COL25A1: variants seen among roughly 807,000 people sequenced by gnomAD.
COL25A1 encodes collagen type XXV alpha 1 chain.
COL25A1 carries 103 observed loss-of-function variants against 128.4 expected under a neutral mutation model. That is an observed-to-expected ratio of 0.80 (90% CI 0.68 to 0.94). The LOEUF (loss-of-function observed/expected upper bound fraction) is 0.94. Ranked by LOEUF, COL25A1 falls within the 40% of genes least tolerant of loss-of-function variation. COL25A1 has a pLI of 0.00. For synonymous variants in COL25A1, 279 were observed against 277.2 expected (o/e 1.01, Z -0.06); for missense variants, 745 against 840.0 (o/e 0.89, Z 1.40).
At chr4:109,210,275 A>C (rs1042785255) in intron 3 of COL25A1, among the ~76,000 whole-genome samples, 24 of 151,352 alleles carry the variant, frequency 1.6e-4, no homozygotes, top group African/African-American at 5.7e-4. Context: ...GAATAACTGT[A>C]ATGTTTTATA....
intron 3 of COL25A1, among the ~76,000 whole-genome samples, chr4:109,291,195 A>C (rs568917838): frequency 1.3e-5 from 2 of 152,264 alleles, no homozygotes; most frequent in Non-Finnish European, 2.9e-5. Flanking sequence ...GACAGTGGGC[A>C]TTCATTTCAA....
intron 8 of COL25A1, among the ~76,000 whole-genome samples, chr4:108,971,168 A>G (rs900874702): frequency 6.6e-5 from 10 of 152,168 alleles, no homozygotes; most frequent in Non-Finnish European, 1.3e-4. Context: ...TGGTATATCT[A>G]TTTGAGGGAT....
intron 3 of COL25A1, among the ~76,000 whole-genome samples, chr4:109,234,133 A>C (rs1030069121): frequency 6.6e-6 from 1 of 152,170 alleles, no homozygotes; most frequent in African/African-American, 2.4e-5. Flanking sequence ...TATGTGAACA[A>C]ATTAATTTTT....
At chr4:109,000,684 TGCAGTGA>T (rs78365944) in intron 6 of COL25A1, among the ~76,000 whole-genome samples, 19,792 of 136,076 alleles carry the variant, frequency 0.15, 1,928 homozygotes, top group East Asian at 0.42. Flanking sequence ...AGGCAAAGGT[TGCAGTGA>T]GCCGATATTG....
intron 3 of COL25A1, among the ~76,000 whole-genome samples, chr4:109,135,799 A>C (rs1432406062): frequency 6.6e-6 from 1 of 152,238 alleles, no homozygotes; most frequent in African/African-American, 2.4e-5. Context: ...CCAAAGCCAC[A>C]GACTTCAGAC....
At chr4:109,028,747 G>A (rs1162598247) in intron 5 of COL25A1, among the ~76,000 whole-genome samples, 1 of 151,890 alleles carries the variant, frequency 6.6e-6, no homozygotes, top group African/African-American at 2.4e-5. Context: ...AAAAGAAAAA[G>A]AAAAGAAAAG....
intron 31 of COL25A1, among the ~76,000 whole-genome samples, chr4:108,835,422 T>TG (rs1733656702): frequency 6.7e-6 from 1 of 148,804 alleles, no homozygotes; most frequent in Non-Finnish European, 1.5e-5. Context: ...TAATACAGAA[T>TG]GGAAAAAAAA....
At chr4:108,952,319 A>C (rs1749529369) in intron 8 of COL25A1, among the ~76,000 whole-genome samples, 1 of 139,474 alleles carries the variant, frequency 7.2e-6, no homozygotes, top group African/African-American at 3.2e-5. Flanking sequence ...AATAAACACA[A>C]AAAAAAACTG....
At chr4:108,880,896 T>G (rs1465118723) in intron 19 of COL25A1, among the ~76,000 whole-genome samples, 1 of 152,230 alleles carries the variant, frequency 6.6e-6, no homozygotes, top group Non-Finnish European at 1.5e-5. Context: ...CTCTTTTATG[T>G]GATATCAGAA....
intron 3 of COL25A1, among the ~76,000 whole-genome samples, chr4:109,113,931 A>C (rs2126042572): frequency 6.6e-6 from 1 of 152,240 alleles, no homozygotes; most frequent in East Asian, 1.9e-4. Flanking sequence ...TGAAGATGAA[A>C]AAACAAATCT....
intron 17 of COL25A1, 142 bp from the exon 18 acceptor site, chr4:108,889,398 C>T: frequency 2.9e-6 from 2 of 685,002 alleles, no homozygotes; most frequent in East Asian, 2.7e-5. Context: ...TGTGACTCTA[C>T]ATCTCACTAG....
chr4:109,062,885 TTTGA>T (rs2125967946), intron 3 of COL25A1, among the ~76,000 whole-genome samples: 1 of 152,292 alleles, frequency 6.6e-6, no homozygotes, highest in South Asian at 2.1e-4. Context: ...CCTGATTGAA[TTTGA>T]TTGTTCTCTG....
chr4:109,154,224 A>G (rs922130600), intron 3 of COL25A1, among the ~76,000 whole-genome samples: 7 of 152,162 alleles, frequency 4.6e-5, no homozygotes, highest in African/African-American at 7.2e-5. Flanking sequence ...TAGGTTAAAT[A>G]TATTTTATAT....
intron 8 of COL25A1, among the ~76,000 whole-genome samples, chr4:108,949,896 A>G (rs970572663): frequency 2.0e-4 from 31 of 152,134 alleles, no homozygotes; most frequent in Non-Finnish European, 3.5e-4. Context: ...CATTTATTCA[A>G]TAAGAATTTG....
chr4:109,277,004 A>C (rs1289134792), intron 3 of COL25A1, among the ~76,000 whole-genome samples: 1 of 152,098 alleles, frequency 6.6e-6, no homozygotes, highest in Admixed American at 6.6e-5. Flanking sequence ...CTACAAGATA[A>C]ATTTTAGATG....
intron 32 of COL25A1, 143 bp from the exon 33 acceptor site, chr4:108,827,331 A>T: frequency 2.8e-6 from 2 of 715,764 alleles, no homozygotes; most frequent in East Asian, 2.7e-5. Flanking sequence ...AGTCACTGCC[A>T]GTGATATTTG....
chr4:109,227,459 A>T (rs552778644), intron 3 of COL25A1, among the ~76,000 whole-genome samples: 71 of 152,282 alleles, frequency 4.7e-4, no homozygotes, highest in African/African-American at 1.7e-3. Flanking sequence ...ACTTTTCTAT[A>T]ATCTTCTAAA....
chr4:108,937,712 G>T, intron 11 of COL25A1, 96 bp downstream of exon 11: 2 of 1,000,166 alleles, frequency 2.0e-6, no homozygotes, highest in Non-Finnish European at 2.9e-6. Context: ...TTTTATTATA[G>T]TCTGTCATAT....
intron 3 of COL25A1, among the ~76,000 whole-genome samples, chr4:109,288,962 T>TACACACAC (rs3079876): frequency 1.1e-4 from 15 of 133,528 alleles, no homozygotes; most frequent in African/African-American, 2.2e-4. Context: ...AAATTATATA[T>TACACACAC]ACACACACAC....
Sources: allele counts gnomAD v4.1 joint callset (sites outside exome capture counted in the v4.1 genomes callset), GRCh38; gene constraint gnomAD v4.1.1; transcripts MANE v1.5; gene names NCBI Gene and HGNC (gene_info 2026-07-23, HGNC 2026-07-21).